TNIK: variants seen among roughly 807,000 people sequenced by gnomAD.
TNIK encodes TRAF2 and NCK interacting kinase, also known as TRAF2 and NCK-interacting protein kinase.
TNIK carries 49 observed loss-of-function variants against 191.3 expected under a neutral mutation model. That is an observed-to-expected ratio of 0.26 (90% CI 0.20 to 0.32). The LOEUF is 0.32. Ranked by LOEUF, TNIK falls within the 10% of genes least tolerant of loss-of-function variation. The probability of loss-of-function intolerance (pLI) is 1.00; values close to 1 mark genes in which losing one functional copy is unlikely to be tolerated. For synonymous variants in TNIK, 594 were observed against 600.9 expected (o/e 0.99, Z 0.17); for missense variants, 1,155 against 1,702.3 (o/e 0.68, Z 5.66).
chr3:171,101,348 C>T (rs1234571157), intron 22 of TNIK, 101 bp downstream of exon 22: 3 of 1,327,454 alleles, frequency 2.3e-6, no homozygotes, highest in African/African-American at 3.0e-5. Context: ...TATCTTGCCA[C>T]AGACCCATAT....
intron 2 of TNIK, among the ~76,000 whole-genome samples, chr3:171,288,956 T>C (rs748667211): frequency 1.3e-5 from 2 of 152,168 alleles, no homozygotes; most frequent in Non-Finnish European, 2.9e-5. Context: ...AAATTTGAAT[T>C]TGACTCATAG....
chr3:171,146,284 G>A (rs1406887337), intron 12 of TNIK, among the ~76,000 whole-genome samples: 1 of 152,088 alleles, frequency 6.6e-6, no homozygotes, highest in East Asian at 1.9e-4. Context: ...TTTAATTGCT[G>A]TATTAATCTC....
chr3:171,338,785 C>G lies in TNIK; in HGVS notation c.123+30835G>C, dbSNP rs973817944. Among the ~76,000 whole-genome samples, 7 of 151,348 alleles carry G rather than the reference C, an allele frequency of 4.6e-5. No homozygotes were observed. The East Asian group carries it at 1.2e-3, about 26-fold the overall frequency. On this transcript the variant is annotated intron_variant, in intron 2 of 32. Coordinates refer to ENST00000436636, the MANE Select transcript of TNIK (RefSeq NM_015028.4). Reference sequence around the variant, plus strand: ...CCCAAAGTGCCGGGATTACAGGTATCAACCACCATGCCCGGCCCTAAGTGT... The same window carrying G: ...CCCAAAGTGCCGGGATTACAGGTATGAACCACCATGCCCGGCCCTAAGTGT...
At chr3:171,363,691 A>G (rs79639000) in intron 2 of TNIK, among the ~76,000 whole-genome samples, 4,355 of 152,296 alleles carry the variant, frequency 0.029, 190 homozygotes, top group African/African-American at 0.095. Flanking sequence ...TGCTATTGAA[A>G]TGTTTTATCT....
intron 2 of TNIK, among the ~76,000 whole-genome samples, chr3:171,321,113 G>T (rs553551853): frequency 6.6e-6 from 1 of 152,116 alleles, no homozygotes; most frequent in African/African-American, 2.4e-5. Flanking sequence ...CTGGAAGGAC[G>T]GAGAACAACG....
intron 5 of TNIK, among the ~76,000 whole-genome samples, chr3:171,193,708 T>C (rs1476776697): frequency 1.3e-5 from 2 of 152,216 alleles, no homozygotes; most frequent in Non-Finnish European, 2.9e-5. Flanking sequence ...AAAAAAGTTT[T>C]AACTTTTGTT....
chr3:171,285,655 T>A (rs959647588), intron 2 of TNIK, among the ~76,000 whole-genome samples: 1 of 152,250 alleles, frequency 6.6e-6, no homozygotes, highest in African/African-American at 2.4e-5. Flanking sequence ...TCATTTTAAA[T>A]CAATTTATTA....
In TNIK at chr3:171,417,048, C is replaced by A. The variant is rs577275640; in HGVS notation, c.57+42959G>T. Among the ~76,000 whole-genome samples, 67 of 152,244 alleles carry A rather than the reference C, an allele frequency of 4.4e-4. 1 individual carries two copies. Among genetic ancestry groups the A allele is most frequent in the African/African-American group, 1.6e-3 (66 of 41,562 alleles). ...CCACATAATGACTATTTATTTGCTT[C>A]AATTTTTAAATGACCCTGAATGTCT... On this transcript the variant is annotated intron_variant, in intron 1 of 32. Transcript: ENST00000436636.
chr3:171,173,349 T>A (rs1735568876), intron 9 of TNIK, among the ~76,000 whole-genome samples: 1 of 147,914 alleles, frequency 6.8e-6, no homozygotes. Context: ...TGAGCCGAGA[T>A]CGTGCCACTG....
intron 30 of TNIK, among the ~76,000 whole-genome samples, chr3:171,067,327 A>C (rs544768041): frequency 1.2e-4 from 18 of 152,166 alleles, no homozygotes; most frequent in Non-Finnish European, 2.4e-4. Flanking sequence ...AAATGCCAGA[A>C]TAATTCATGG....
chr3:171,213,639 C>T (rs189172508), intron 3 of TNIK, among the ~76,000 whole-genome samples: 2 of 152,084 alleles, frequency 1.3e-5, no homozygotes, highest in Non-Finnish European at 1.5e-5. Flanking sequence ...ATAAATAGTA[C>T]TGGAGGTCAG....
chr3:171,097,026 TTTTC>T (rs1287395588), intron 22 of TNIK, among the ~76,000 whole-genome samples: 1 of 152,180 alleles, frequency 6.6e-6, no homozygotes, highest in African/African-American at 2.4e-5. Flanking sequence ...GCCAAAATAA[TTTTC>T]TTATAATTGG....
rs913733551 is a variant in TNIK at position 171,323,813 on chromosome 3, C to T, written c.123+45807G>A. 5.9e-5 allele frequency among the ~76,000 whole-genome samples: 9 copies of T among 152,276 alleles called. No homozygotes were observed. The East Asian group carries it at 1.7e-3, about 29-fold the overall frequency. On this transcript the variant is annotated intron_variant, in intron 2 of 32. Transcript: ENST00000436636. ...GTCTTCAAACTCTGCTCTTCATAAGCTATGATCTAGAGCAAAGGGAGCATT... is the reference window on the plus strand; with the variant it reads ...GTCTTCAAACTCTGCTCTTCATAAGTTATGATCTAGAGCAAAGGGAGCATT...
chr3:171,107,900 G>C (rs1050011589), intron 20 of TNIK, 165 bp downstream of exon 20: 1 of 580,612 alleles, frequency 1.7e-6, no homozygotes. Context: ...AGATCTCTTC[G>C]GTTCTTTCCT....
At chr3:171,337,995 T>C (rs1245467832) in intron 2 of TNIK, among the ~76,000 whole-genome samples, 3 of 152,186 alleles carry the variant, frequency 2.0e-5, no homozygotes, top group Non-Finnish European at 2.9e-5. Flanking sequence ...CTAACCACGA[T>C]TGAAGAATGA....
intron 11 of TNIK, among the ~76,000 whole-genome samples, chr3:171,160,635 T>C (rs1733867419): frequency 6.6e-6 from 1 of 151,980 alleles, no homozygotes; most frequent in Non-Finnish European, 1.5e-5. Flanking sequence ...TAATTACTTA[T>C]AAACACAGAC....
intron 10 of TNIK, among the ~76,000 whole-genome samples, chr3:171,163,572 A>C (rs540969607): frequency 6.6e-6 from 1 of 152,320 alleles, no homozygotes; most frequent in South Asian, 2.1e-4. Flanking sequence ...CTTATTTTTA[A>C]AATATTAGTT....
chr3:171,316,534 G>A (rs967901463), intron 2 of TNIK, among the ~76,000 whole-genome samples: 2 of 152,068 alleles, frequency 1.3e-5, no homozygotes, highest in Non-Finnish European at 1.5e-5. Flanking sequence ...TATGGTCTTC[G>A]GGAGAACAGT....
intron 1 of TNIK, among the ~76,000 whole-genome samples, chr3:171,425,925 G>A (rs148114093): frequency 9.5e-4 from 144 of 152,212 alleles, no homozygotes; most frequent in African/African-American, 3.3e-3. Flanking sequence ...GAGAGCATGT[G>A]GAGAAATAGG....
Sources: allele counts gnomAD v4.1 joint callset (sites outside exome capture counted in the v4.1 genomes callset), GRCh38; gene constraint gnomAD v4.1.1; transcripts MANE v1.5; gene names NCBI Gene and HGNC (gene_info 2026-07-23, HGNC 2026-07-21).